TTC3: variants seen among roughly 807,000 people sequenced by gnomAD.
TTC3 encodes the protein tetratricopeptide repeat domain 3.
Under a neutral mutation model 249.6 loss-of-function variants are expected in TTC3, and 180 were observed. The observed-to-expected ratio is 0.72, with a 90% CI of 0.64 to 0.82. The LOEUF is 0.82. TTC3 is among the 40% of genes least tolerant of loss of function. TTC3 has a pLI of 0.00. For synonymous variants in TTC3, 717 were observed against 805.0 expected, an observed-to-expected ratio of 0.89 and a Z score of 1.85; for missense variants, 2,061 against 2,398.4, an observed-to-expected ratio of 0.86 and a Z score of 2.94.
At position 37,148,530 on chromosome 21, in the gene TTC3, T is replaced by A. The variant is rs1438941646; in HGVS notation, c.2017-16T>A. ...CATCTTTAAAACGTTAATTAAAAAATTTTTTGTAACCCTAGGGTTTTATAC... is the reference window on the plus strand; with the variant it reads ...CATCTTTAAAACGTTAATTAAAAAAATTTTTGTAACCCTAGGGTTTTATAC... On this transcript the variant is annotated splice_polypyrimidine_tract_variant and intron_variant, in intron 22 of 45. Transcript: ENST00000355666. 1.6e-5 allele frequency: 24 copies of A among 1,513,132 alleles called. No individual in the cohort carries two copies. The highest frequency in any genetic ancestry group is 2.1e-5 in the Non-Finnish European group (24 of 1,128,722). 93.7% of individuals were successfully genotyped at this position (1,513,132 alleles called of 1,614,324 possible). A position where few individuals can be genotyped will look rare whatever the true frequency, so the allele number is the denominator to read the frequency against.
At chr21:37,132,722 A>C (rs779972957) in exon 17 of TTC3, 1 of 1,608,958 alleles carries the variant, frequency 6.2e-7, no homozygotes, top group Non-Finnish European at 8.5e-7. Flanking sequence ...TTTGAAGAAC[A>C]TCTTGGAGAA....
intron 12 of TTC3, 114 bp from the exon 13 acceptor site, chr21:37,122,869 G>A: frequency 9.9e-7 from 1 of 1,013,188 alleles, no homozygotes; most frequent in South Asian, 1.5e-5. Context: ...TTACTTTTCA[G>A]TTTTCTAAAT....
chr21:37,201,879 T>A, exon 46 of TTC3: 1 of 311,470 alleles, frequency 3.2e-6, no homozygotes, highest in South Asian at 4.3e-5. Flanking sequence ...CGAAGCAGTA[T>A]TCTAGTGATA....
chr21:37,201,641 G>C (rs1426022369), exon 46 of TTC3: 9 of 1,566,040 alleles, frequency 5.7e-6, no homozygotes, highest in Non-Finnish European at 2.6e-6. Context: ...TCTACCACTG[G>C]TGTAAAAAAC....
intron 21 of TTC3, among the ~76,000 whole-genome samples, chr21:37,146,223 TGA>T (rs2078971228): frequency 6.6e-6 from 1 of 151,400 alleles, no homozygotes; most frequent in Non-Finnish European, 1.5e-5. Context: ...GGCAACAGAG[TGA>T]GAGTCTGCCT....
chr21:37,135,905 G>A (rs1051314949), intron 18 of TTC3, among the ~76,000 whole-genome samples: 2 of 152,176 alleles, frequency 1.3e-5, no homozygotes, highest in African/African-American at 4.8e-5. Flanking sequence ...GCAACCCTGT[G>A]TCAAGCAAGT....
At chr21:37,164,636 C>T (rs1240621773) in intron 32 of TTC3, among the ~76,000 whole-genome samples, 1 of 152,150 alleles carries the variant, frequency 6.6e-6, no homozygotes, top group Non-Finnish European at 1.5e-5. Context: ...CCTCGCCCCG[C>T]CCTGAGGATT....
intron 29 of TTC3, 65 bp downstream of exon 29, chr21:37,159,810 G>A: frequency 2.0e-6 from 3 of 1,499,958 alleles, no homozygotes; most frequent in East Asian, 2.3e-5. Context: ...ATGAGAAGGG[G>A]ACCCAGGCCA....
At chr21:37,076,106 T>C (rs1269087179) in intron 1 of TTC3, among the ~76,000 whole-genome samples, 2 of 152,336 alleles carry the variant, frequency 1.3e-5, no homozygotes, top group East Asian at 1.9e-4. Flanking sequence ...TGCCTTGTTT[T>C]TAAAAATAAT....
At chr21:37,133,705 G>A (rs754766652) in intron 17 of TTC3, among the ~76,000 whole-genome samples, 35 of 152,220 alleles carry the variant, frequency 2.3e-4, no homozygotes, top group Admixed American at 6.5e-4. Context: ...CGTATTGAGG[G>A]AAGTGACTTC....
chr21:37,198,462 A>C (rs2085152462), intron 44 of TTC3, among the ~76,000 whole-genome samples: 1 of 152,086 alleles, frequency 6.6e-6, no homozygotes, highest in Admixed American at 6.5e-5. Context: ...GGCCACACCC[A>C]CCCCAAGATA....
chr21:37,098,052 T>C (rs1163997340), intron 10 of TTC3: 2 of 648,950 alleles, frequency 3.1e-6, no homozygotes, highest in Non-Finnish European at 5.6e-6. Flanking sequence ...AAGCCGTGGA[T>C]AAACCGAGGC....
At chr21:37,103,951 TA>T (rs556916385) in intron 10 of TTC3, among the ~76,000 whole-genome samples, 14 of 150,488 alleles carry the variant, frequency 9.3e-5, no homozygotes, top group South Asian at 2.1e-4. Flanking sequence ...GATTAGCACT[TA>T]AAAAAAAAAT....
chr21:37,194,111 T>G (rs1029899542), intron 41 of TTC3, among the ~76,000 whole-genome samples: 3 of 152,196 alleles, frequency 2.0e-5, no homozygotes, highest in Non-Finnish European at 4.4e-5. Flanking sequence ...TTCTCTAAGC[T>G]GTGTTACAGC....
chr21:37,145,223 C>T (rs1236659022), intron 21 of TTC3, among the ~76,000 whole-genome samples: 1 of 152,212 alleles, frequency 6.6e-6, no homozygotes, highest in Non-Finnish European at 1.5e-5. Flanking sequence ...AGTGAACTCT[C>T]ACATGTACTC....
In TTC3 at chr21:37,135,528, A is replaced by G; in HGVS notation, c.1578+14A>G. 2 of 1,609,546 alleles carry G rather than the reference A, an allele frequency of 1.2e-6. No individual in the cohort carries two copies. The highest frequency in any genetic ancestry group is 1.7e-6 in the Non-Finnish European group (2 of 1,177,436). The stretch of plus-strand genomic sequence containing the variant: ...CAAAAAATAAAGGTAAATTTGCCAT[A>G]TCATAACTTGTTTATCAATGCTAAT... On this transcript the variant is annotated intron_variant, in intron 18 of 45. Transcript: ENST00000355666.
intron 15 of TTC3, among the ~76,000 whole-genome samples, chr21:37,127,721 C>T (rs941900716): frequency 6.6e-6 from 1 of 152,266 alleles, no homozygotes. Flanking sequence ...GTTTTTCTTT[C>T]CATAGTTTTG....
chr21:37,132,428 T>G (rs374192323), intron 16 of TTC3, among the ~76,000 whole-genome samples: 10 of 151,826 alleles, frequency 6.6e-5, no homozygotes, highest in African/African-American at 2.4e-4. Context: ...TTCTCCTGCC[T>G]CAGCCTCCCA....
chr21:37,147,291 CTTA>C (rs1365237885), intron 21 of TTC3, among the ~76,000 whole-genome samples, 187 bp from the exon 22 acceptor site: 1 of 152,114 alleles, frequency 6.6e-6, no homozygotes, highest in African/African-American at 2.4e-5. Context: ...TTAAATCTCT[CTTA>C]TGTCTCTTAT....
Sources: gnomAD v4.1 joint callset for allele counts (sites outside exome capture counted in the v4.1 genomes callset) on GRCh38, gnomAD v4.1.1 for gene constraint, MANE v1.5 for transcripts, NCBI Gene and HGNC (gene_info 2026-07-23, HGNC 2026-07-21) for gene names.